CAMK2D: variants seen among roughly 807,000 people sequenced by gnomAD.
CAMK2D encodes calcium/calmodulin-dependent protein kinase type II subunit delta.
A neutral mutation model predicts 84.0 loss-of-function variants in CAMK2D; 37 were observed. The observed-to-expected ratio is 0.44, with a 90% CI of 0.34 to 0.58. CAMK2D has a LOEUF of 0.58. Ranked by LOEUF, CAMK2D falls within the 20% of genes least tolerant of loss-of-function variation. CAMK2D has a pLI of 0.02. For missense variants in CAMK2D, 448 were observed against 652.5 expected (o/e 0.69, Z 3.41); for synonymous variants, 202 against 212.5 (o/e 0.95, Z 0.43).
At chr4:113,467,950 A>ATTT (rs11463763) in intron 16 of CAMK2D, among the ~76,000 whole-genome samples, 3,426 of 149,910 alleles carry the variant, frequency 0.023, 60 homozygotes, top group Middle Eastern at 0.038. Flanking sequence ...AAACTAACAG[A>ATTT]TTTTTTTTTT....
intron 8 of CAMK2D, among the ~76,000 whole-genome samples, chr4:113,529,518 G>A (rs1207351126): frequency 6.6e-6 from 1 of 152,148 alleles, no homozygotes; most frequent in Non-Finnish European, 1.5e-5. Context: ...TTGTAGGCTG[G>A]TAGCAATGAC....
At chr4:113,651,974 C>T (rs1441367867) in intron 3 of CAMK2D, among the ~76,000 whole-genome samples, 2 of 152,090 alleles carry the variant, frequency 1.3e-5, no homozygotes. Flanking sequence ...CCCTCTGGAA[C>T]AAGGACTAAT....
In CAMK2D at chr4:113,452,366, G is replaced by A. The variant is rs939310353; in HGVS notation, c.*2179C>T. 10 of 152,374 alleles carry A rather than the reference G, an allele frequency of 6.6e-5. No individual in the cohort carries two copies. Among genetic ancestry groups the A allele is most frequent in the African/African-American group, 1.9e-4 (8 of 41,558 alleles). 9.4% of individuals were successfully genotyped at this position (152,374 alleles called of 1,614,324 possible). ...TGCCCTTGACACTGGCCAGCACTAT[G>A]CAGGCATACATACAGTACCTCTTCT... On this transcript the variant is annotated 3_prime_UTR_variant, in exon 21 of 21. Transcript: ENST00000511664.
chr4:113,665,557 T>G (rs1433347098), intron 2 of CAMK2D, among the ~76,000 whole-genome samples: 1 of 152,210 alleles, frequency 6.6e-6, no homozygotes, highest in Non-Finnish European at 1.5e-5. Flanking sequence ...TGGCAAGCAG[T>G]AAAGACAGAT....
At chr4:113,612,329 A>G (rs74471075) in intron 3 of CAMK2D, among the ~76,000 whole-genome samples, 2 of 152,176 alleles carry the variant, frequency 1.3e-5, no homozygotes, top group Non-Finnish European at 2.9e-5. Flanking sequence ...TTTCCTTTTT[A>G]ACAGTTTCTC....
At chr4:113,621,091 T>C (rs1264229928) in intron 3 of CAMK2D, among the ~76,000 whole-genome samples, 2 of 152,078 alleles carry the variant, frequency 1.3e-5, no homozygotes, top group African/African-American at 4.8e-5. Flanking sequence ...ACCTGGATAA[T>C]TTTTTGTTTT....
intron 12 of CAMK2D, among the ~76,000 whole-genome samples, chr4:113,510,613 G>A (rs1024630551): frequency 6.6e-6 from 1 of 152,064 alleles, no homozygotes; most frequent in South Asian, 2.1e-4. Flanking sequence ...TACACCAAGT[G>A]TAGAACATTC....
intron 2 of CAMK2D, among the ~76,000 whole-genome samples, chr4:113,688,738 C>G (rs1200250141): frequency 6.6e-6 from 1 of 152,070 alleles, no homozygotes; most frequent in Non-Finnish European, 1.5e-5. Flanking sequence ...TGAAGTCCAT[C>G]ACATCTTTGC....
At chr4:113,639,119 C>T (rs1367375265) in intron 3 of CAMK2D, among the ~76,000 whole-genome samples, 2 of 151,014 alleles carry the variant, frequency 1.3e-5, no homozygotes, top group Non-Finnish European at 2.9e-5. Flanking sequence ...GTGGTGTGCA[C>T]CTGTAGCCCC....
intron 16 of CAMK2D, among the ~76,000 whole-genome samples, chr4:113,486,604 C>T (rs1469665454): frequency 6.6e-6 from 1 of 152,168 alleles, no homozygotes; most frequent in Non-Finnish European, 1.5e-5. Flanking sequence ...CCTCCAAGTA[C>T]AAGAATATTA....
chr4:113,733,558 A>G (rs752670089), intron 2 of CAMK2D, among the ~76,000 whole-genome samples: 1 of 152,236 alleles, frequency 6.6e-6, no homozygotes, highest in Non-Finnish European at 1.5e-5. Context: ...GTTATCAGGT[A>G]TAAGTATGGC....
intron 3 of CAMK2D, among the ~76,000 whole-genome samples, chr4:113,614,888 T>A (rs569173532): frequency 1.1e-4 from 16 of 152,266 alleles, no homozygotes; most frequent in African/African-American, 3.6e-4. Flanking sequence ...TAAGAAAGAA[T>A]TAGTAAAAAT....
At chr4:113,727,476 A>C (rs2099549641) in intron 2 of CAMK2D, among the ~76,000 whole-genome samples, 1 of 152,208 alleles carries the variant, frequency 6.6e-6, no homozygotes, top group Non-Finnish European at 1.5e-5. Context: ...CAAACATGAA[A>C]AAAAAAGAAC....
At chr4:113,514,453 T>C (rs971570978) in intron 10 of CAMK2D, among the ~76,000 whole-genome samples, 1 of 151,952 alleles carries the variant, frequency 6.6e-6, no homozygotes, top group African/African-American at 2.4e-5. Flanking sequence ...TAGAAATGAA[T>C]ATTAATAATT....
At position 113,623,910 on chromosome 4, in the gene CAMK2D, T is replaced by A. The variant is rs912047308; in HGVS notation, c.221-14704A>T. Reference sequence around the variant, plus strand: ...CTCACCCTCAAGGAGCTTCTCATTGTGTATTAAATATGTATACATCACCGA... The same window carrying A: ...CTCACCCTCAAGGAGCTTCTCATTGAGTATTAAATATGTATACATCACCGA... On this transcript the variant is annotated intron_variant, in intron 3 of 20. Coordinates refer to ENST00000511664, the MANE Select transcript of CAMK2D (RefSeq NM_001321571.2). 5.9e-5 allele frequency among the ~76,000 whole-genome samples: 9 copies of A among 152,302 alleles called. No homozygotes were observed. The East Asian group carries it at 1.5e-3, about 26-fold the overall frequency.
chr4:113,508,065 GA>G (rs1189975305), intron 13 of CAMK2D, among the ~76,000 whole-genome samples: 2 of 152,044 alleles, frequency 1.3e-5, no homozygotes, highest in Non-Finnish European at 2.9e-5. Flanking sequence ...CAATTTCAGA[GA>G]AAAAACAATG....
chr4:113,513,809 TA>T lies in CAMK2D; in HGVS notation c.903+20del. On this transcript the variant is annotated intron_variant, in intron 11 of 20. Coordinates refer to ENST00000511664, the MANE Select transcript of CAMK2D (RefSeq NM_001321571.2). ...TTAGTCTGTCAAATCTACCTCCCCA[TA>T]AAAATGTAAAATTTCTTACCTTTAG... 2 of 1,221,380 alleles carry T rather than the reference TA, an allele frequency of 1.6e-6. No individual in the cohort carries two copies. Among genetic ancestry groups the T allele is most frequent in the Non-Finnish European group, 2.4e-6 (2 of 832,938 alleles). The allele number at this position is 1,221,380 out of a possible 1,614,324, so 75.7% of individuals were successfully genotyped here.
chr4:113,457,675 A>G, intron 18 of CAMK2D, 112 bp from the exon 19 acceptor site: 1 of 759,316 alleles, frequency 1.3e-6, no homozygotes, highest in South Asian at 1.8e-5. Context: ...TCACTCACTA[A>G]TTAATTAGTT....
At chr4:113,503,522 A>G (rs1027836407) in intron 14 of CAMK2D, among the ~76,000 whole-genome samples, 1 of 152,218 alleles carries the variant, frequency 6.6e-6, no homozygotes, top group East Asian at 1.9e-4. Context: ...ATCCATTTCA[A>G]AAGACCATAA....
Sources: allele counts gnomAD v4.1 joint callset (sites outside exome capture counted in the v4.1 genomes callset), GRCh38; gene constraint gnomAD v4.1.1; transcripts MANE v1.5; gene names NCBI Gene and HGNC (gene_info 2026-07-23, HGNC 2026-07-21).